VRK1: variants seen among roughly 807,000 people sequenced by gnomAD.
The protein encoded by VRK1 is VRK serine/threonine kinase 1.
VRK1 carries 33 observed loss-of-function variants against 57.1 expected under a neutral mutation model. The ratio of observed to expected loss-of-function variants is 0.58; its 90% CI spans 0.44 to 0.77. The LOEUF (loss-of-function observed/expected upper bound fraction) is 0.77, where lower values mean the gene tolerates loss of function less well. Among genes scored for constraint, VRK1 ranks in the 30% least tolerant of loss-of-function variants. VRK1 has a pLI of 0.00. For synonymous variants in VRK1, 137 were observed against 147.8 expected (o/e 0.93, Z 0.53); for missense variants, 413 against 477.3 (o/e 0.87, Z 1.25).
intron 1 of VRK1, among the ~76,000 whole-genome samples, chr14:96,806,348 C>G (rs1445716873): frequency 6.6e-6 from 1 of 152,212 alleles, no homozygotes; most frequent in African/African-American, 2.4e-5. Flanking sequence ...TTGTTCTCTT[C>G]TTCATCACAG....
intron 10 of VRK1, among the ~76,000 whole-genome samples, chr14:96,859,470 G>A (rs757181503): frequency 6.6e-6 from 1 of 152,138 alleles, no homozygotes; most frequent in Non-Finnish European, 1.5e-5. Context: ...CATTTTCAAT[G>A]TTTTATCATA....
At chr14:96,853,021 T>C in intron 6 of VRK1, 53 bp from the exon 7 acceptor site, 1 of 1,606,814 alleles carries the variant, frequency 6.2e-7, no homozygotes, top group Non-Finnish European at 8.5e-7. Flanking sequence ...CTTGGTCCTC[T>C]GCTGGCTGGT....
intron 3 of VRK1, among the ~76,000 whole-genome samples, chr14:96,842,100 AGCTTGTTTTCCCTAT>A (rs1566701799): frequency 1.3e-5 from 2 of 152,268 alleles, no homozygotes; most frequent in East Asian, 3.9e-4. Flanking sequence ...TTGTCAATAA[AGCTTGTTTTCCCTAT>A]GCAGTCTTTA....
At chr14:96,836,485 C>T (rs768458815) in intron 2 of VRK1, among the ~76,000 whole-genome samples, 94 of 150,208 alleles carry the variant, frequency 6.3e-4, no homozygotes, top group Non-Finnish European at 1.3e-3. Context: ...TCCTTGTTTT[C>T]CAAACATGTC....
intron 11 of VRK1, among the ~76,000 whole-genome samples, chr14:96,865,300 G>A (rs1440849958): frequency 1.3e-5 from 2 of 152,178 alleles, no homozygotes; most frequent in Non-Finnish European, 2.9e-5. Context: ...ACCATTTGTG[G>A]AAAAGACGAT....
chr14:96,819,317 A>G (rs1886508656), intron 1 of VRK1, among the ~76,000 whole-genome samples: 1 of 152,224 alleles, frequency 6.6e-6, no homozygotes, highest in Non-Finnish European at 1.5e-5. Flanking sequence ...CTTTTATTAA[A>G]ATCCTCAGAT....
At chr14:96,851,480 C>T (rs1887947787) in intron 5 of VRK1, among the ~76,000 whole-genome samples, 1 of 152,116 alleles carries the variant, frequency 6.6e-6, no homozygotes, top group African/African-American at 2.4e-5. Flanking sequence ...AATCACTTTA[C>T]CTCCAAAGAC....
At chr14:96,848,341 C>T (rs1462025342) in intron 5 of VRK1, among the ~76,000 whole-genome samples, 3 of 152,164 alleles carry the variant, frequency 2.0e-5, no homozygotes, top group East Asian at 1.9e-4. Context: ...CAGACTTTCT[C>T]TCACGTTTTC....
At chr14:96,875,440 G>A (rs551592981) in intron 11 of VRK1, among the ~76,000 whole-genome samples, 1 of 152,122 alleles carries the variant, frequency 6.6e-6, no homozygotes, top group Admixed American at 6.5e-5. Flanking sequence ...TGTACAGTAA[G>A]GTTTATGGCC....
chr14:96,830,713 C>T (rs144028207), intron 1 of VRK1, among the ~76,000 whole-genome samples: 2 of 152,088 alleles, frequency 1.3e-5, no homozygotes, highest in South Asian at 2.1e-4. Context: ...TGCTGAGTTT[C>T]GTATGCAGCC....
intron 10 of VRK1, among the ~76,000 whole-genome samples, chr14:96,859,368 A>G (rs1278468651): frequency 1.3e-5 from 2 of 152,010 alleles, no homozygotes; most frequent in Admixed American, 6.5e-5. Context: ...CCTTCTATTT[A>G]TTTTCCTATC....
chr14:96,876,993 G>A (rs1276172424), intron 12 of VRK1, among the ~76,000 whole-genome samples: 3 of 151,398 alleles, frequency 2.0e-5, no homozygotes, highest in Non-Finnish European at 4.4e-5. Flanking sequence ...ATATGATGAT[G>A]TACTTGACTC....
At chr14:96,799,489 T>A (rs1885572399) in intron 1 of VRK1, among the ~76,000 whole-genome samples, 1 of 152,224 alleles carries the variant, frequency 6.6e-6, no homozygotes, top group Non-Finnish European at 1.5e-5. Context: ...ATTAGGATTA[T>A]GATTTGAAAA....
rs765633672 is a variant in VRK1 at position 96,860,651 on chromosome 14, A to G, written c.984A>G (p.Leu328=). ...TACGTGACATTCTTTTGCAAGGACT[A>G]AAAGCTATAGGAAGTAAGGATGATG... The part of the protein sequence containing the change: ...ENLRDILLQG[L]KAIGSKDDGK... The change falls in exon 11 of 13, where the codon CTA becomes CTG. Residue 328 remains leucine, a synonymous_variant. Transcript: ENST00000216639. The G allele has an allele frequency of 1.2e-6, 2 of 1,613,466 alleles. No individual in the cohort carries two copies. Among genetic ancestry groups the G allele is most frequent in the African/African-American group, 1.3e-5 (1 of 75,036 alleles).
At chr14:96,799,289 G>T (rs1566678931) in intron 1 of VRK1, among the ~76,000 whole-genome samples, 1 of 151,816 alleles carries the variant, frequency 6.6e-6, no homozygotes, top group African/African-American at 2.4e-5. Context: ...AATGTTGACA[G>T]ACCCTAAAAT....
intron 3 of VRK1, among the ~76,000 whole-genome samples, chr14:96,843,021 G>T (rs921309364): frequency 1.3e-5 from 2 of 152,144 alleles, no homozygotes; most frequent in African/African-American, 4.8e-5. Flanking sequence ...CTCTTATTTG[G>T]CATTGGAGTG....
At chr14:96,873,870 G>T (rs1888923857) in intron 11 of VRK1, among the ~76,000 whole-genome samples, 1 of 152,174 alleles carries the variant, frequency 6.6e-6, no homozygotes, top group African/African-American at 2.4e-5. Flanking sequence ...GAAAAGTTGG[G>T]CAGGAGTTAC....
chr14:96,823,251 G>T (rs747072579), intron 1 of VRK1, among the ~76,000 whole-genome samples: 2 of 152,156 alleles, frequency 1.3e-5, no homozygotes, highest in Non-Finnish European at 2.9e-5. Context: ...GCCAGAATGT[G>T]TCAAAAGAGA....
intron 1 of VRK1, among the ~76,000 whole-genome samples, chr14:96,822,314 G>C (rs1886635096): frequency 6.6e-6 from 1 of 152,128 alleles, no homozygotes; most frequent in African/African-American, 2.4e-5. Flanking sequence ...TTGTAATAAT[G>C]TAGAATTCCA....
Sources: gnomAD v4.1 joint callset for allele counts (sites outside exome capture counted in the v4.1 genomes callset) on GRCh38, gnomAD v4.1.1 for gene constraint, MANE v1.5 for transcripts, NCBI Gene and HGNC (gene_info 2026-07-23, HGNC 2026-07-21) for gene names.